ULK4: variants seen among roughly 807,000 people sequenced by gnomAD.
ULK4 encodes inactive serine/threonine-protein kinase ULK4.
In ULK4, 133 loss-of-function variants were observed where a neutral mutation model predicts 160.6. That is an observed-to-expected ratio of 0.83 (90% CI 0.72 to 0.96). The LOEUF (loss-of-function observed/expected upper bound fraction) is 0.96, where lower values mean the gene tolerates loss of function less well. ULK4 is among the 40% of genes least tolerant of loss of function. The probability of loss-of-function intolerance (pLI) is 0.00; values close to 1 mark genes in which losing one functional copy is unlikely to be tolerated. For synonymous variants in ULK4, 534 were observed against 539.8 expected (o/e 0.99, Z 0.15); for missense variants, 1,580 against 1,499.5 (o/e 1.05, Z -0.89).
At chr3:41,550,425 T>TTAAAG (rs61319325) in intron 32 of ULK4, among the ~76,000 whole-genome samples, 77,170 of 151,216 alleles carry the variant, frequency 0.51, 19,759 homozygotes, top group Middle Eastern at 0.57. Flanking sequence ...ACACATAAAC[T>TTAAAG]TAAAGGTATG....
intron 17 of ULK4, among the ~76,000 whole-genome samples, chr3:41,874,384 C>G (rs1697223087): frequency 1.3e-5 from 2 of 152,144 alleles, no homozygotes; most frequent in South Asian, 4.1e-4. Flanking sequence ...CACCATATAT[C>G]CACTTTTAAC....
intron 29 of ULK4, among the ~76,000 whole-genome samples, chr3:41,675,202 T>C (rs1189588580): frequency 6.6e-6 from 1 of 151,694 alleles, no homozygotes; most frequent in African/African-American, 2.4e-5. Flanking sequence ...ATCATTCCAC[T>C]GCACTCCAGC....
chr3:41,762,325 T>G (rs1423661726), intron 21 of ULK4, among the ~76,000 whole-genome samples: 1 of 152,176 alleles, frequency 6.6e-6, no homozygotes, highest in Non-Finnish European at 1.5e-5. Context: ...ATTCTGTTCT[T>G]TATTTCCATG....
intron 32 of ULK4, among the ~76,000 whole-genome samples, chr3:41,500,571 C>T (rs539492440): frequency 2.6e-5 from 4 of 152,286 alleles, no homozygotes; most frequent in Non-Finnish European, 5.9e-5. Flanking sequence ...TAGCAGACTT[C>T]TGGCCCAATC....
chr3:41,655,322 A>C (rs2034894582), intron 30 of ULK4, among the ~76,000 whole-genome samples: 1 of 146,314 alleles, frequency 6.8e-6, no homozygotes, highest in South Asian at 2.2e-4. Flanking sequence ...GTGGGAATTG[A>C]ACAATGAGAA....
At chr3:41,522,129 C>CTTTTTTTT (rs57720185) in intron 32 of ULK4, among the ~76,000 whole-genome samples, 2 of 135,952 alleles carry the variant, frequency 1.5e-5, no homozygotes, top group Admixed American at 7.4e-5. Context: ...TCTTTTTTTT[C>CTTTTTTTT]TTTTTTTTTT....
intron 27 of ULK4, among the ~76,000 whole-genome samples, chr3:41,700,847 T>A (rs1218844650): frequency 1.3e-5 from 2 of 152,056 alleles, no homozygotes; most frequent in Admixed American, 1.3e-4. Flanking sequence ...CTAGAAAATA[T>A]CTACAGGGAA....
At chr3:41,458,234 T>G (rs1450196931) in intron 33 of ULK4, among the ~76,000 whole-genome samples, 2 of 152,188 alleles carry the variant, frequency 1.3e-5, no homozygotes, top group African/African-American at 2.4e-5. Context: ...CTTAAACATA[T>G]CCAACTAAAG....
chr3:41,461,699 C>A (rs1254431601), intron 33 of ULK4, among the ~76,000 whole-genome samples: 2 of 152,112 alleles, frequency 1.3e-5, no homozygotes, highest in African/African-American at 4.8e-5. Flanking sequence ...TGAATATCTA[C>A]CTAATCACTT....
intron 2 of ULK4, 43 bp downstream of exon 2, chr3:41,954,579 T>A: frequency 1.8e-5 from 29 of 1,585,352 alleles, no homozygotes; most frequent in Non-Finnish European, 2.5e-5. Context: ...CTACCTATTG[T>A]AGCTCTCTCT....
chr3:41,706,653 C>T (rs966204030), intron 25 of ULK4, among the ~76,000 whole-genome samples: 20 of 150,162 alleles, frequency 1.3e-4, no homozygotes, highest in African/African-American at 3.9e-4. Flanking sequence ...CACGGTGAAA[C>T]CCCGTCTCAA....
chr3:41,277,014 G>A (rs1435772287), intron 35 of ULK4, among the ~76,000 whole-genome samples: 1 of 152,050 alleles, frequency 6.6e-6, no homozygotes, highest in Non-Finnish European at 1.5e-5. Context: ...AGAAGAGATG[G>A]ATAAATTCCT....
At chr3:41,458,818 C>T (rs2371584) in intron 33 of ULK4, among the ~76,000 whole-genome samples, 87,492 of 151,090 alleles carry the variant, frequency 0.58, 26,064 homozygotes, top group African/African-American at 0.74. Context: ...TGCAGTGGCA[C>T]GATCTCGGCT....
intron 32 of ULK4, among the ~76,000 whole-genome samples, chr3:41,560,975 A>G (rs1387730435): frequency 6.6e-6 from 1 of 152,148 alleles, no homozygotes; most frequent in Non-Finnish European, 1.5e-5. Context: ...GTTTTTGCCC[A>G]CTCAGTATGA....
chr3:41,649,320 G>T (rs942282859), intron 30 of ULK4, among the ~76,000 whole-genome samples: 21 of 152,160 alleles, frequency 1.4e-4, no homozygotes, highest in African/African-American at 4.6e-4. Context: ...TGTGGGGCCA[G>T]CAAGAGGCAG....
intron 16 of ULK4, among the ~76,000 whole-genome samples, chr3:41,889,328 A>C (rs1461070911): frequency 6.6e-6 from 1 of 152,202 alleles, no homozygotes; most frequent in Non-Finnish European, 1.5e-5. Context: ...GCAGCTAGGA[A>C]AAGGGACCAA....
intron 8 of ULK4, among the ~76,000 whole-genome samples, chr3:41,914,127 A>G (rs1195473055): frequency 6.6e-6 from 1 of 152,248 alleles, no homozygotes; most frequent in African/African-American, 2.4e-5. Flanking sequence ...ATTAAGTTTC[A>G]CTACTAATAG....
At chr3:41,663,046 C>A (rs1175561688) in intron 30 of ULK4, among the ~76,000 whole-genome samples, 1 of 151,766 alleles carries the variant, frequency 6.6e-6, no homozygotes, top group Non-Finnish European at 1.5e-5. Context: ...CATGGTGAAA[C>A]CCCATCTCTA....
At chr3:41,845,750 T>C (rs760422613) in intron 17 of ULK4, among the ~76,000 whole-genome samples, 3 of 152,228 alleles carry the variant, frequency 2.0e-5, no homozygotes, top group Non-Finnish European at 4.4e-5. Flanking sequence ...TTATTTGTAA[T>C]ATAGTTTTGA....
Sources: gnomAD v4.1 joint callset for allele counts (sites outside exome capture counted in the v4.1 genomes callset) on GRCh38, gnomAD v4.1.1 for gene constraint, MANE v1.5 for transcripts, NCBI Gene and HGNC (gene_info 2026-07-23, HGNC 2026-07-21) for gene names.